TBCD: variants seen among roughly 807,000 people sequenced by gnomAD.
TBCD encodes the protein tubulin folding cofactor D, also known as tubulin-specific chaperone D.
TBCD carries 105 observed loss-of-function variants against 169.3 expected under a neutral mutation model. The observed-to-expected ratio is 0.62, with a 90% CI of 0.53 to 0.73. TBCD has a LOEUF of 0.73. Ranked by LOEUF, TBCD falls within the 30% of genes least tolerant of loss-of-function variation. The pLI is 0.00. For missense variants in TBCD, 1,444 were observed against 1,600.1 expected, an observed-to-expected ratio of 0.90 and a Z score of 1.66; for synonymous variants, 700 against 643.9, an observed-to-expected ratio of 1.09 and a Z score of -1.32.
intron 12 of TBCD, 150 bp from the exon 13 acceptor site, chr17:82,814,690 T>TA: frequency 1.3e-6 from 1 of 750,106 alleles, no homozygotes; most frequent in Non-Finnish European, 2.2e-6. Flanking sequence ...CTTGATACTT[T>TA]AAAAACTTAG....
intron 7 of TBCD, among the ~76,000 whole-genome samples, chr17:82,785,683 G>A (rs868536407): frequency 7.7e-5 from 9 of 117,422 alleles, no homozygotes; most frequent in African/African-American, 3.1e-4. Flanking sequence ...CCCACCCATC[G>A]CAGCGGGAGG....
chr17:82,858,557 G>A (rs76839842), intron 13 of TBCD: 16,602 of 985,292 alleles, frequency 0.017, 162 homozygotes, highest in Non-Finnish European at 0.018. Context: ...GCTTGTGAAA[G>A]TAGCTGGCTG....
At chr17:82,892,088 C>T (rs552015185) in intron 16 of TBCD, among the ~76,000 whole-genome samples, 1 of 151,906 alleles carries the variant, frequency 6.6e-6, no homozygotes, top group East Asian at 1.9e-4. Context: ...CCGCTTTTGT[C>T]TGCTCGGAGC....
chr17:82,898,104 G>A (rs1340862668), intron 17 of TBCD, among the ~76,000 whole-genome samples: 2 of 136,146 alleles, frequency 1.5e-5, no homozygotes, highest in African/African-American at 2.9e-5. Context: ...CACACGGCAT[G>A]GCTCTGTTCT....
Position 82,920,536 on chromosome 17 carries a change from CTTTTT to C in TBCD, c.2039-9_2039-5del. 3 of 1,402,574 alleles carry C rather than the reference CTTTTT, an allele frequency of 2.1e-6. No homozygotes were observed. The highest frequency in any genetic ancestry group is 3.0e-5 in the African/African-American group (2 of 65,594). The allele number at this position is 1,402,574 out of a possible 1,614,324, so 86.9% of individuals were successfully genotyped here. ...TTAGAAAAGTAACATTGCGTCTATC[CTTTTT>C]TTTTTTTTTTCCAGTGTGTGTTTTA... On this transcript the variant is annotated splice_polypyrimidine_tract_variant and intron_variant, in intron 23 of 38. Coordinates refer to ENST00000355528, the MANE Select transcript of TBCD (RefSeq NM_005993.5). The surrounding 1 kb of genome is among the most constrained non-coding windows in gnomAD (Gnocchi z 4.1).
At chr17:82,934,837 G>T (rs923776347) in intron 34 of TBCD, among the ~76,000 whole-genome samples, 1 of 151,874 alleles carries the variant, frequency 6.6e-6, no homozygotes, top group African/African-American at 2.4e-5. Flanking sequence ...CATGGCTCAC[G>T]CCTGTAATCC....
At chr17:82,790,882 T>G (rs1213584092) in intron 7 of TBCD, among the ~76,000 whole-genome samples, 1 of 152,066 alleles carries the variant, frequency 6.6e-6, no homozygotes, top group African/African-American at 2.4e-5. Context: ...CTCTCTGACC[T>G]CAGACGCTGG....
At position 82,864,816 on chromosome 17, in the gene TBCD, C is replaced by T. The variant is rs912995175; in HGVS notation, c.1319-5408C>T. Among the ~76,000 whole-genome samples, 3 of 114,568 alleles carry T rather than the reference C, an allele frequency of 2.6e-5. No individual in the cohort carries two copies. The highest frequency in any genetic ancestry group is 9.2e-5 in the Admixed American group (1 of 10,844). 75.2% of individuals were successfully genotyped at this position (114,568 alleles called of 152,430 possible). The stretch of plus-strand genomic sequence containing the variant: ...CAGGAAGGGCTGGGATCACCACTCC[C>T]CGGGGCACCGTGGGGACAGCGGGGG... On this transcript the variant is annotated intron_variant, in intron 13 of 38. Coordinates refer to ENST00000355528, the MANE Select transcript of TBCD (RefSeq NM_005993.5). This position sits in a 1 kb window ranked among gnomAD's most constrained non-coding sequence, Gnocchi z 6.3.
intron 9 of TBCD, among the ~76,000 whole-genome samples, chr17:82,802,909 G>C (rs1211662278): frequency 6.6e-6 from 1 of 152,260 alleles, no homozygotes; most frequent in Non-Finnish European, 1.5e-5. Context: ...AAATAATCCA[G>C]TATCCTAGTT....
chr17:82,820,659 T>C (rs574935413), intron 13 of TBCD, among the ~76,000 whole-genome samples: 1 of 152,340 alleles, frequency 6.6e-6, no homozygotes, highest in South Asian at 2.1e-4. Flanking sequence ...TCATTTCAGC[T>C]CTTGAGTCTT....
In TBCD at chr17:82,929,243, CGAG is replaced by C. The variant is rs1568073516; in HGVS notation, c.2828_2830del (p.Gly943del). 1.9e-6 allele frequency: 3 copies of C among 1,613,806 alleles called. No individual in the cohort carries two copies. The highest frequency in any genetic ancestry group is 1.7e-5 in the Admixed American group (1 of 60,010). On this transcript the variant is annotated inframe_deletion, in exon 31 of 39. Coordinates refer to ENST00000355528, the MANE Select transcript of TBCD (RefSeq NM_005993.5). ...CCCTCCCATCCCCCACGTGCCCCAC[CGAG>C]GAGAACTGGAAAAGCTGTTTCCCAG...
chr17:82,874,107 G>A lies in TBCD; in HGVS notation c.1475+3727G>A, dbSNP rs2057795789. On this transcript the variant is annotated intron_variant, in intron 14 of 38. Coordinates refer to ENST00000355528, the MANE Select transcript of TBCD (RefSeq NM_005993.5). This position sits in a 1 kb window ranked among gnomAD's most constrained non-coding sequence, Gnocchi z 5.0. Reference sequence around the variant, plus strand: ...CTGGGTGTGGGGTTGAGCCCATCATGCTGTGGGGTGCTCCCTGGGGGTTGT... The same window carrying A: ...CTGGGTGTGGGGTTGAGCCCATCATACTGTGGGGTGCTCCCTGGGGGTTGT... Among the ~76,000 whole-genome samples, 1 of 152,206 alleles carries A rather than the reference G, an allele frequency of 6.6e-6. No homozygotes were observed. The highest frequency in any genetic ancestry group is 1.5e-5 in the Non-Finnish European group (1 of 68,028).
intron 13 of TBCD, chr17:82,858,748 A>G: frequency 1.3e-6 from 1 of 763,058 alleles, no homozygotes; most frequent in Non-Finnish European, 1.6e-6. Context: ...GAGTGTGTGA[A>G]GGGCCTGTCG....
At chr17:82,783,838 T>C (rs2049114927) in intron 7 of TBCD, among the ~76,000 whole-genome samples, 1 of 152,176 alleles carries the variant, frequency 6.6e-6, no homozygotes, top group Non-Finnish European at 1.5e-5. Context: ...AACTTAATGC[T>C]TTCAGGCCGG....
chr17:82,829,900 T>A (rs1284124795), intron 13 of TBCD: 1 of 583,584 alleles, frequency 1.7e-6, no homozygotes, highest in Non-Finnish European at 3.0e-6. Flanking sequence ...AAAATACATA[T>A]CAGTCTTAGA....
At chr17:82,830,026 AAGC>A in intron 13 of TBCD, 1 of 1,499,590 alleles carries the variant, frequency 6.7e-7, no homozygotes, top group East Asian at 2.3e-5. Flanking sequence ...TTTTTTTGAG[AAGC>A]AGCAGCTGCA....
chr17:82,793,970 A>G (rs1050111573), intron 7 of TBCD, among the ~76,000 whole-genome samples: 2 of 152,226 alleles, frequency 1.3e-5, no homozygotes, highest in Non-Finnish European at 2.9e-5. Flanking sequence ...GTGGGGCCAC[A>G]GGGTGACCCG....
intron 22 of TBCD, among the ~76,000 whole-genome samples, chr17:82,911,278 C>A (rs2060622569): frequency 6.6e-6 from 1 of 152,228 alleles, no homozygotes; most frequent in South Asian, 2.1e-4. Context: ...TTGCCCTCCC[C>A]AGGGCAGCGC....
intron 17 of TBCD, among the ~76,000 whole-genome samples, chr17:82,899,375 AC>A (rs2059739787): frequency 4.6e-5 from 3 of 64,784 alleles, no homozygotes; most frequent in Non-Finnish European, 1.1e-4. Flanking sequence ...TCCTCAGCGC[AC>A]GTGTCCTCAG....
Sources: gnomAD v4.1 joint callset for allele counts (sites outside exome capture counted in the v4.1 genomes callset) on GRCh38, gnomAD v4.1.1 for gene constraint, Gnocchi (gnomAD v3.1) non-coding constraint, MANE v1.5 for transcripts, NCBI Gene and HGNC (gene_info 2026-07-23, HGNC 2026-07-21) for gene names.